The following MROH9 variants were observed in gnomAD, a reference collection of about 807,000 sequenced individuals.
The protein encoded by MROH9 is maestro heat-like repeat-containing protein family member 9.
In MROH9, 92 loss-of-function variants were observed where a neutral mutation model predicts 98.2. The observed-to-expected ratio is 0.94, with a 90% CI of 0.79 to 1.11. MROH9 has a LOEUF of 1.11. Ranked by LOEUF, MROH9 falls within the 50% of genes most tolerant of loss-of-function variation. The probability of loss-of-function intolerance (pLI) is 0.00; values close to 1 mark genes in which losing one functional copy is unlikely to be tolerated. For missense variants in MROH9, 1,057 were observed against 1,014.8 expected (o/e 1.04, Z -0.57); for synonymous variants, 397 against 368.9 (o/e 1.08, Z -0.87).
rs575962671 is a variant in MROH9, at chr1:171,031,288, G to A, written c.2281+5868G>A. Among the ~76,000 whole-genome samples the A allele has an allele frequency of 2.6e-5, 4 of 152,222 alleles. No individual in the cohort carries two copies. The East Asian group carries it at 5.8e-4, about 22-fold the overall frequency. On this transcript the variant is annotated intron_variant, in intron 20 of 21. Transcript: ENST00000367759. Reference sequence around the variant, plus strand: ...GGGCATTTAGACCATTTACATTTAAGGTTAATATTTTTATGTGTGAATTTG... The same window carrying A: ...GGGCATTTAGACCATTTACATTTAAAGTTAATATTTTTATGTGTGAATTTG...
intron 20 of MROH9, among the ~76,000 whole-genome samples, chr1:171,047,203 T>TA (rs1351721834): frequency 1.3e-5 from 2 of 152,204 alleles, no homozygotes; most frequent in African/African-American, 4.8e-5. Context: ...TGGATATAGA[T>TA]ATCTTTCCGT....
chr1:171,018,928 G>T (rs1557900535), intron 17 of MROH9, among the ~76,000 whole-genome samples: 1 of 151,948 alleles, frequency 6.6e-6, no homozygotes, highest in Non-Finnish European at 1.5e-5. Flanking sequence ...AAATTAACAG[G>T]ATATTGAGGA....
chr1:171,019,773 C>A (rs1428157722), intron 17 of MROH9, among the ~76,000 whole-genome samples: 1 of 151,806 alleles, frequency 6.6e-6, no homozygotes, highest in African/African-American at 2.4e-5. Context: ...CAAATCAGAG[C>A]AGAACTGAAG....
At chr1:171,032,638 G>A (rs909609202) in intron 20 of MROH9, among the ~76,000 whole-genome samples, 1 of 152,136 alleles carries the variant, frequency 6.6e-6, no homozygotes, top group Admixed American at 6.5e-5. Context: ...CAGCAAAGAT[G>A]GGTGCCTGCT....
At chr1:171,015,012 C>G in intron 16 of MROH9, 1 of 471,838 alleles carries the variant, frequency 2.1e-6, no homozygotes, top group South Asian at 1.5e-5. Context: ...CCTTCCAGGT[C>G]GACTGAATTT....
chr1:170,942,270 A>G (rs1649148496), intron 1 of MROH9, among the ~76,000 whole-genome samples: 1 of 151,938 alleles, frequency 6.6e-6, no homozygotes, highest in Non-Finnish European at 1.5e-5. Flanking sequence ...GAAGCAAAGA[A>G]GAGTGGTGGG....
intron 20 of MROH9, among the ~76,000 whole-genome samples, chr1:171,035,260 A>C (rs1448631935): frequency 2.0e-5 from 3 of 151,822 alleles, no homozygotes; most frequent in South Asian, 2.1e-4. Flanking sequence ...CCAATAGATC[A>C]AAAAATAAAA....
chr1:170,991,658 T>C (rs1046109380), intron 11 of MROH9, among the ~76,000 whole-genome samples: 1 of 152,180 alleles, frequency 6.6e-6, no homozygotes, highest in African/African-American at 2.4e-5. Context: ...ACTCATTGTG[T>C]GACATTTGAC....
At chr1:170,955,925 C>G (rs1337033272) in intron 3 of MROH9, among the ~76,000 whole-genome samples, 1 of 152,134 alleles carries the variant, frequency 6.6e-6, no homozygotes, top group Non-Finnish European at 1.5e-5. Flanking sequence ...CCAATGTTAT[C>G]TTCTAGAATT....
At chr1:170,995,697 C>T (rs1380901266) in intron 13 of MROH9, among the ~76,000 whole-genome samples, 166 bp downstream of exon 13, 1 of 152,086 alleles carries the variant, frequency 6.6e-6, no homozygotes, top group African/African-American at 2.4e-5. Flanking sequence ...AGAAAAGTAA[C>T]CAGCCCAAGT....
intron 20 of MROH9, among the ~76,000 whole-genome samples, chr1:171,036,596 T>G (rs1014666303): frequency 2.0e-5 from 3 of 151,978 alleles, no homozygotes; most frequent in African/African-American, 7.2e-5. Context: ...TGTAGAAGTT[T>G]ATTGCCCTAT....
At chr1:170,964,598 G>A (rs2294742) in intron 6 of MROH9, among the ~76,000 whole-genome samples, 23,334 of 152,024 alleles carry the variant, frequency 0.15, 2,272 homozygotes, top group East Asian at 0.45. Context: ...AGAACAGCTA[G>A]AAGGTGCAGC....
At chr1:171,054,918 G>C (rs1000802330) in intron 20 of MROH9, among the ~76,000 whole-genome samples, 1 of 151,814 alleles carries the variant, frequency 6.6e-6, no homozygotes, top group African/African-American at 2.4e-5. Context: ...ATCTAAACTA[G>C]TACAGCCATT....
chr1:171,006,674 CTTTTTTT>C lies in MROH9; in HGVS notation c.1597-7435_1597-7429del, dbSNP rs60676361. Among the ~76,000 whole-genome samples, 10 of 138,222 alleles carry C rather than the reference CTTTTTTT, an allele frequency of 7.2e-5. No individual in the cohort carries two copies. The East Asian group carries it at 1.7e-3, about 24-fold the overall frequency. 90.7% of individuals were successfully genotyped at this position (138,222 alleles called of 152,430 possible). On this transcript the variant is annotated intron_variant, in intron 15 of 21. Transcript: ENST00000367759. ...CTCTTTCATTCTTTTATATCTTTTT[CTTTTTTT>C]TTTTTTTGGCTAATTTCAAATGACT...
chr1:170,977,877 G>C (rs773642320), intron 8 of MROH9, among the ~76,000 whole-genome samples: 1 of 152,184 alleles, frequency 6.6e-6, no homozygotes, highest in Non-Finnish European at 1.5e-5. Flanking sequence ...CAGGATTGAA[G>C]GTCTGTGCTG....
chr1:171,017,823 C>A (rs1176255044), intron 17 of MROH9, among the ~76,000 whole-genome samples: 1 of 152,158 alleles, frequency 6.6e-6, no homozygotes, highest in African/African-American at 2.4e-5. Context: ...TGGACCCATC[C>A]CTCCTCGCTG....
chr1:171,022,418 T>C (rs1652550514), intron 17 of MROH9, among the ~76,000 whole-genome samples: 1 of 152,060 alleles, frequency 6.6e-6, no homozygotes, highest in Admixed American at 6.6e-5. Flanking sequence ...TATGCAGCCA[T>C]AAAAAGGAAT....
intron 17 of MROH9, among the ~76,000 whole-genome samples, chr1:171,020,178 T>C (rs958743305): frequency 4.0e-5 from 6 of 150,232 alleles, no homozygotes; most frequent in Non-Finnish European, 7.5e-5. Context: ...CAAATTCTAC[T>C]AGACATACAA....
At chr1:171,028,680 G>A (rs1652808045) in intron 20 of MROH9, among the ~76,000 whole-genome samples, 1 of 152,232 alleles carries the variant, frequency 6.6e-6, no homozygotes. Flanking sequence ...CTTTCCATTT[G>A]TTTGTGTCCT....
Sources: allele counts gnomAD v4.1 joint callset (sites outside exome capture counted in the v4.1 genomes callset), GRCh38; gene constraint gnomAD v4.1.1; transcripts MANE v1.5; gene names NCBI Gene and HGNC (gene_info 2026-07-23, HGNC 2026-07-21).